The following ATP11A variants were observed in gnomAD, a reference collection of about 807,000 sequenced individuals.
ATP11A encodes phospholipid-transporting ATPase IH.
ATP11A carries 81 observed loss-of-function variants against 154.4 expected under a neutral mutation model. The observed-to-expected ratio is 0.52, with a 90% CI of 0.44 to 0.63. The LOEUF (loss-of-function observed/expected upper bound fraction) is 0.63. Ranked by LOEUF, ATP11A falls within the 30% of genes least tolerant of loss-of-function variation. The pLI, the probability that ATP11A is intolerant of heterozygous loss-of-function variation, is 0.00. For synonymous variants in ATP11A, 623 were observed against 585.9 expected (o/e 1.06, Z -0.91); for missense variants, 1,316 against 1,474.3 (o/e 0.89, Z 1.76).
At chr13:112,880,577 C>G in intron 29 of ATP11A, 1 of 1,300,634 alleles carries the variant, frequency 7.7e-7, no homozygotes, top group Non-Finnish European at 1.0e-6. Flanking sequence ...CCAGTCCAGG[C>G]CGCACAGAGC....
chr13:112,764,933 C>T (rs371043773), intron 1 of ATP11A, among the ~76,000 whole-genome samples: 9 of 152,184 alleles, frequency 5.9e-5, no homozygotes, highest in Admixed American at 3.9e-4. Flanking sequence ...GTAGAAGCCC[C>T]GACACTTGCC....
rs144619142 is a variant in ATP11A at position 112,881,825 on chromosome 13, G to A, written c.*10-51G>A. ...CTCGTTCTCTCAGCAGAATGGGTGCGCACAGCCTCGGGACCGCGACTCAGA... is the reference window on the plus strand; with the variant it reads ...CTCGTTCTCTCAGCAGAATGGGTGCACACAGCCTCGGGACCGCGACTCAGA... On this transcript the variant is annotated intron_variant, in intron 29 of 29. Transcript: ENST00000375645. The A allele has an allele frequency of 2.4e-5, 33 of 1,367,380 alleles. No individual in the cohort carries two copies. The highest frequency in any genetic ancestry group is 8.9e-5 in the African/African-American group (6 of 67,686). 84.7% of individuals were successfully genotyped at this position (1,367,380 alleles called of 1,614,324 possible). A position where few individuals can be genotyped will look rare whatever the true frequency, so the allele number is the denominator to read the frequency against.
chr13:112,790,758 C>T (rs976743293), intron 2 of ATP11A, among the ~76,000 whole-genome samples: 4 of 152,206 alleles, frequency 2.6e-5, no homozygotes, highest in Non-Finnish European at 4.4e-5. Flanking sequence ...CATGTAGACC[C>T]CTGTGGTTCT....
chr13:112,713,013 G>A (rs952594503), intron 1 of ATP11A, among the ~76,000 whole-genome samples: 2 of 152,226 alleles, frequency 1.3e-5, no homozygotes, highest in South Asian at 2.1e-4. Flanking sequence ...GTGAGCAGAG[G>A]CTTGGAAATT....
At chr13:112,720,979 T>A (rs1436628368) in intron 1 of ATP11A, among the ~76,000 whole-genome samples, 1 of 152,054 alleles carries the variant, frequency 6.6e-6, no homozygotes, top group Non-Finnish European at 1.5e-5. Context: ...ATTCTGTTAG[T>A]GGGGGCCGAG....
rs1380159871 is a variant in ATP11A at position 112,851,175 on chromosome 13, G to A, written c.1948G>A (p.Glu650Lys). 6.2e-7 allele frequency: 1 copy of A among 1,614,194 alleles called. No individual in the cohort carries two copies. Among genetic ancestry groups the A allele is most frequent in the Non-Finnish European group, 8.5e-7 (1 of 1,180,044 alleles). ...KKLAEAYEQI[E>K]KDLTLLGATA... ...GTTAGCAGAAGCCTATGAGCAAATA[G>A]AGAAAGATCTTACTCTGCTTGGTGC... Residue 650 changes from glutamate to lysine, a missense_variant, in exon 18 of 30, where the codon GAG becomes AAG. Glu to Lys is a moderately conservative substitution (Grantham distance 56, BLOSUM62 1). Transcript: ENST00000375645.
chr13:112,831,665 A>C, intron 13 of ATP11A, 117 bp downstream of exon 13: 4 of 1,185,540 alleles, frequency 3.4e-6, no homozygotes, highest in Non-Finnish European at 4.8e-6. Context: ...TACGGACTTC[A>C]GTGGGAGGGA....
chr13:112,823,678 T>G (rs2078859102), intron 9 of ATP11A, among the ~76,000 whole-genome samples: 2 of 152,158 alleles, frequency 1.3e-5, no homozygotes, highest in South Asian at 2.1e-4. Flanking sequence ...ATTTGTGAAG[T>G]TTAGTTGTGC....
intron 10 of ATP11A, among the ~76,000 whole-genome samples, chr13:112,824,732 C>T (rs141952862): frequency 2.0e-5 from 3 of 152,360 alleles, no homozygotes; most frequent in Admixed American, 2.0e-4. Context: ...TCATGAAAAA[C>T]TCCAAATGGG....
Position 112,882,220 on chromosome 13 carries a change from T to C in ATP11A, c.*354T>C. ...AGCCACACCAGTGGCCTCTGGGCAT[T>C]CGGCTCAACGCAGGAGGGACATTCT... On this transcript the variant is annotated 3_prime_UTR_variant, in exon 30 of 30. Transcript: ENST00000375645. This position sits in a 1 kb window ranked among gnomAD's most constrained non-coding sequence, Gnocchi z 5.1. 1.0e-6 allele frequency: 1 copy of C among 966,094 alleles called. No individual in the cohort carries two copies. The highest frequency in any genetic ancestry group is 1.4e-6 in the Non-Finnish European group (1 of 709,346). The allele number at this position is 966,094 out of a possible 1,614,324, so 59.8% of individuals were successfully genotyped here. A position where few individuals can be genotyped will look rare whatever the true frequency, so the allele number is the denominator to read the frequency against.
chr13:112,793,958 G>A (rs2077929505), intron 2 of ATP11A, among the ~76,000 whole-genome samples: 1 of 152,236 alleles, frequency 6.6e-6, no homozygotes, highest in Non-Finnish European at 1.5e-5. Flanking sequence ...TCAGACACTA[G>A]TGAGGCGTTC....
chr13:112,707,163 C>G (rs1055176320), intron 1 of ATP11A, among the ~76,000 whole-genome samples: 12 of 152,136 alleles, frequency 7.9e-5, no homozygotes, highest in Non-Finnish European at 1.5e-4. Context: ...CACCTGTAAT[C>G]CCAGCACTTT....
chr13:112,783,708 G>A (rs891774049), intron 1 of ATP11A, among the ~76,000 whole-genome samples: 2 of 152,242 alleles, frequency 1.3e-5, no homozygotes, highest in African/African-American at 2.4e-5. Context: ...CTAAGGCCCC[G>A]TATTCCGAGG....
intron 27 of ATP11A, among the ~76,000 whole-genome samples, chr13:112,874,357 G>T (rs1038657978): frequency 3.9e-5 from 6 of 152,216 alleles, no homozygotes; most frequent in East Asian, 3.9e-4. Context: ...AGGCTGTCGT[G>T]GTCAGTCGAG....
At chr13:112,717,922 C>A (rs111647010) in intron 1 of ATP11A, among the ~76,000 whole-genome samples, 4 of 152,226 alleles carry the variant, frequency 2.6e-5, no homozygotes, top group Non-Finnish European at 4.4e-5. Flanking sequence ...ACTAAAAATA[C>A]AAAAATTAGC....
At chr13:112,707,035 T>C (rs1166616362) in intron 1 of ATP11A, among the ~76,000 whole-genome samples, 1 of 152,238 alleles carries the variant, frequency 6.6e-6, no homozygotes, top group Non-Finnish European at 1.5e-5. Flanking sequence ...TGTAAAGCAG[T>C]GGAGACAACT....
chr13:112,739,214 G>C (rs117765126), intron 1 of ATP11A, among the ~76,000 whole-genome samples: 1 of 152,358 alleles, frequency 6.6e-6, no homozygotes, highest in Non-Finnish European at 1.5e-5. Flanking sequence ...AAGATTGGCA[G>C]AGAGTGGCTC....
At chr13:112,775,132 A>G (rs1259464850) in intron 1 of ATP11A, among the ~76,000 whole-genome samples, 1 of 152,258 alleles carries the variant, frequency 6.6e-6, no homozygotes, top group African/African-American at 2.4e-5. Context: ...GGTGGGACTC[A>G]GTTTATCGTT....
At chr13:112,735,117 A>G (rs1890865121) in intron 1 of ATP11A, among the ~76,000 whole-genome samples, 1 of 152,242 alleles carries the variant, frequency 6.6e-6, no homozygotes, top group Admixed American at 6.5e-5. Context: ...GTGAAGGTAA[A>G]AAAGGAAATC....
Sources: allele counts gnomAD v4.1 joint callset (sites outside exome capture counted in the v4.1 genomes callset), GRCh38; gene constraint gnomAD v4.1.1; non-coding constraint Gnocchi (gnomAD v3.1); transcripts MANE v1.5; gene names NCBI Gene and HGNC (gene_info 2026-07-23, HGNC 2026-07-21).